MAST4: variants seen among roughly 807,000 people sequenced by gnomAD.
MAST4 encodes microtubule associated serine/threonine kinase family member 4, also known as microtubule-associated serine/threonine-protein kinase 4.
MAST4 carries 89 observed loss-of-function variants against 162.7 expected under a neutral mutation model. The ratio of observed to expected loss-of-function variants is 0.55; its 90% CI spans 0.46 to 0.65. MAST4 has a LOEUF of 0.65. Ranked by LOEUF, MAST4 falls within the 30% of genes least tolerant of loss-of-function variation. The pLI is 0.00. For synonymous variants in MAST4, 1,479 were observed against 1,361.1 expected, an observed-to-expected ratio of 1.09 and a Z score of -1.91; for missense variants, 3,153 against 3,374.0, an observed-to-expected ratio of 0.93 and a Z score of 1.62.
At chr5:67,157,747 G>A (rs1258663608) in intron 26 of MAST4, among the ~76,000 whole-genome samples, 1 of 152,108 alleles carries the variant, frequency 6.6e-6, no homozygotes, top group Non-Finnish European at 1.5e-5. Flanking sequence ...CAGTGACCTC[G>A]GAAACAAGAA....
intron 1 of MAST4, among the ~76,000 whole-genome samples, chr5:66,714,033 T>C (rs1304980646): frequency 6.6e-6 from 1 of 152,232 alleles, no homozygotes; most frequent in African/African-American, 2.4e-5. Flanking sequence ...GATAGGAAAG[T>C]TGAGACACAG....
intron 4 of MAST4, among the ~76,000 whole-genome samples, chr5:66,911,976 C>T (rs1763808211): frequency 6.6e-6 from 1 of 152,102 alleles, no homozygotes; most frequent in Non-Finnish European, 1.5e-5. Context: ...CTTCCTAAAC[C>T]CTGATTTTCC....
At chr5:66,807,751 G>A (rs997150497) in intron 3 of MAST4, among the ~76,000 whole-genome samples, 4 of 152,012 alleles carry the variant, frequency 2.6e-5, no homozygotes, top group African/African-American at 4.8e-5. Flanking sequence ...TTTCCTCCTC[G>A]CCCTCTCCCT....
At chr5:66,995,892 C>A (rs577408288) in intron 4 of MAST4, among the ~76,000 whole-genome samples, 1 of 149,474 alleles carries the variant, frequency 6.7e-6, no homozygotes, top group East Asian at 2.0e-4. Context: ...CTCACATACA[C>A]ACACACACAC....
intron 5 of MAST4, among the ~76,000 whole-genome samples, chr5:67,067,671 G>T (rs1760412711): frequency 6.6e-6 from 1 of 152,106 alleles, no homozygotes; most frequent in African/African-American, 2.4e-5. Context: ...AACCTTTGGA[G>T]GTCCCTTTGC....
intron 4 of MAST4, among the ~76,000 whole-genome samples, chr5:66,977,893 G>C (rs867382708): frequency 1.3e-5 from 2 of 152,158 alleles, no homozygotes; most frequent in African/African-American, 4.8e-5. Flanking sequence ...CACAGGATTC[G>C]AACTCAGAAC....
In MAST4 at chr5:66,902,633, T is replaced by A. The variant is rs528659223; in HGVS notation, c.674+2651T>A. 227 of 457,430 alleles carry A rather than the reference T, an allele frequency of 5.0e-4. 6 individuals carry two copies. The highest frequency in any genetic ancestry group is 3.6e-3 in the South Asian group (223 of 61,454). 28.3% of individuals were successfully genotyped at this position (457,430 alleles called of 1,614,324 possible). A position where few individuals can be genotyped will look rare whatever the true frequency, so the allele number is the denominator to read the frequency against. ...CTAACTTGAAGACTCTCTTGTTTTA[T>A]ATACATTTTTAAAAGGTGCAGAAGC... is the stretch of plus-strand genomic sequence containing the variant. On this transcript the variant is annotated intron_variant, in intron 4 of 28. Coordinates refer to ENST00000403625, the MANE Select transcript of MAST4 (RefSeq NM_001164664.2).
At chr5:67,056,191 G>C (rs909385643) in intron 5 of MAST4, among the ~76,000 whole-genome samples, 1 of 152,076 alleles carries the variant, frequency 6.6e-6, no homozygotes, top group Admixed American at 6.6e-5. Context: ...TAATTAGGGA[G>C]CGGGTGTAAG....
At chr5:66,675,560 A>G (rs570575310) in intron 1 of MAST4, among the ~76,000 whole-genome samples, 2 of 152,200 alleles carry the variant, frequency 1.3e-5, no homozygotes, top group African/African-American at 4.8e-5. Context: ...TCTGAATCCA[A>G]AGAGTGTTGG....
At chr5:67,106,716 CT>C (rs1293739146) in intron 10 of MAST4, among the ~76,000 whole-genome samples, 1 of 152,168 alleles carries the variant, frequency 6.6e-6, no homozygotes. Flanking sequence ...ATAACATGGC[CT>C]GTTGCTGTGC....
chr5:66,931,774 A>G (rs375412974), intron 4 of MAST4, among the ~76,000 whole-genome samples: 179 of 152,202 alleles, frequency 1.2e-3, no homozygotes, highest in African/African-American at 3.8e-3. Context: ...TTAAAAAAAA[A>G]GAGGAAATAG....
At chr5:67,125,911 T>C (rs1768172227) in intron 14 of MAST4, among the ~76,000 whole-genome samples, 1 of 152,186 alleles carries the variant, frequency 6.6e-6, no homozygotes, top group South Asian at 2.1e-4. Context: ...CTCTCCAGCA[T>C]CTGTTGTTTC....
intron 4 of MAST4, among the ~76,000 whole-genome samples, chr5:67,053,709 A>G (rs1041470685): frequency 1.3e-5 from 2 of 152,230 alleles, no homozygotes; most frequent in African/African-American, 4.8e-5. Flanking sequence ...AGAAACAGGA[A>G]CAAATTGTTG....
At chr5:66,892,873 G>A (rs967089316) in intron 3 of MAST4, among the ~76,000 whole-genome samples, 2 of 152,176 alleles carry the variant, frequency 1.3e-5, no homozygotes, top group African/African-American at 4.8e-5. Flanking sequence ...GAAGACTTGT[G>A]TGTCCTGTCC....
chr5:66,673,510 TTTTTTG>T (rs955703904), intron 1 of MAST4, among the ~76,000 whole-genome samples: 3 of 137,494 alleles, frequency 2.2e-5, no homozygotes, highest in African/African-American at 6.0e-5. Context: ...TACGCTAGTT[TTTTTTG>T]TTTTTTGTTT....
intron 1 of MAST4, among the ~76,000 whole-genome samples, chr5:66,756,874 G>A (rs1253285249): frequency 6.6e-6 from 1 of 152,170 alleles, no homozygotes; most frequent in Non-Finnish European, 1.5e-5. Flanking sequence ...TACTGTGCCT[G>A]AAACATTGGC....
chr5:67,157,583 G>A (rs999571732), intron 26 of MAST4, among the ~76,000 whole-genome samples: 2 of 152,030 alleles, frequency 1.3e-5, no homozygotes, highest in Admixed American at 6.6e-5. Context: ...TTCCCTTACC[G>A]CCACTCATTA....
At chr5:67,009,244 A>G (rs371302890) in intron 4 of MAST4, among the ~76,000 whole-genome samples, 19 of 152,228 alleles carry the variant, frequency 1.2e-4, no homozygotes, top group African/African-American at 4.6e-4. Context: ...TCAGGGAACC[A>G]GAAGAGACAC....
chr5:66,864,088 C>T (rs1176680732), intron 3 of MAST4, among the ~76,000 whole-genome samples: 2 of 152,246 alleles, frequency 1.3e-5, no homozygotes, highest in South Asian at 2.1e-4. Flanking sequence ...TTATTGAACA[C>T]CTACTAAGTG....
Sources: gnomAD v4.1 joint callset for allele counts (sites outside exome capture counted in the v4.1 genomes callset) on GRCh38, gnomAD v4.1.1 for gene constraint, MANE v1.5 for transcripts, NCBI Gene and HGNC (gene_info 2026-07-23, HGNC 2026-07-21) for gene names.